The following ERI1 variants were observed in gnomAD, a reference collection of about 807,000 sequenced individuals.
The protein encoded by ERI1 is exoribonuclease 1.
Under a neutral mutation model 39.7 loss-of-function variants are expected in ERI1, and 39 were observed. That is an observed-to-expected ratio of 0.98 (90% CI 0.76 to 1.28). ERI1 has a LOEUF of 1.28. ERI1 is among the 50% of genes most tolerant of loss of function. The pLI is 0.00. For synonymous variants in ERI1, 204 were observed against 149.6 expected (o/e 1.36, Z -2.65); for missense variants, 581 against 416.9 (o/e 1.39, Z -3.43).
rs1279767013 is a variant in ERI1, at chr8:9,044,436, G to A, written n.299+23972G>A. ...ACCAGGTCAGCAGACACATCACTGCGTCAGTTCAGTAGGAGAGTTCACACT... is the reference window on the plus strand; with the variant it reads ...ACCAGGTCAGCAGACACATCACTGCATCAGTTCAGTAGGAGAGTTCACACT... On this transcript the variant is annotated intron_variant and non_coding_transcript_variant, in intron 3 of 3. Coordinates refer to the ERI1 transcript ENST00000518663. 5.3e-5 allele frequency among the ~76,000 whole-genome samples: 8 copies of A among 152,260 alleles called. 1 individual carries two copies. The highest frequency in any genetic ancestry group is 6.8e-3 in the Middle Eastern group (2 of 294).
chr8:9,090,267 G>T (rs950506347), intron 3 of ERI1, among the ~76,000 whole-genome samples: 1 of 152,084 alleles, frequency 6.6e-6, no homozygotes, highest in Non-Finnish European at 1.5e-5. Context: ...ACAGAGAAGG[G>T]GTGTGGTGAG....
chr8:9,035,891 A>C (rs928132490), downstream of ERI1, among the ~76,000 whole-genome samples: 1 of 152,214 alleles, frequency 6.6e-6, no homozygotes, highest in Admixed American at 6.5e-5. Flanking sequence ...AAAGATATCA[A>C]CCTTAACAGG....
intron 4 of ERI1, among the ~76,000 whole-genome samples, chr8:9,017,122 C>G (rs887785182): frequency 3.3e-5 from 5 of 152,148 alleles, no homozygotes; most frequent in African/African-American, 4.8e-5. Context: ...TCACTGCAAC[C>G]TCTGCCTCCC....
At chr8:9,063,668 A>G (rs1185718493) in intron 3 of ERI1, among the ~76,000 whole-genome samples, 2 of 152,172 alleles carry the variant, frequency 1.3e-5, no homozygotes, top group Non-Finnish European at 2.9e-5. Context: ...GGGAGGGTCC[A>G]ATGTGTAAAA....
chr8:9,010,758 T>C (rs894878783), intron 2 of ERI1, among the ~76,000 whole-genome samples: 16 of 152,182 alleles, frequency 1.1e-4, no homozygotes, highest in Non-Finnish European at 7.4e-5. Flanking sequence ...ATACATATTG[T>C]TTAAAGAATG....
At chr8:9,047,426 A>G (rs1303034963) in intron 3 of ERI1, among the ~76,000 whole-genome samples, 1 of 152,194 alleles carries the variant, frequency 6.6e-6, no homozygotes, top group African/African-American at 2.4e-5. Flanking sequence ...GCTTGCCACT[A>G]GGAGATGGGA....
Position 9,020,360 on chromosome 8 carries a change from A to AT in ERI1, c.704dup (p.Met235IlefsTer3). 6.3e-7 allele frequency: 1 copy of AT among 1,575,672 alleles called. No homozygotes were observed. Among genetic ancestry groups the AT allele is most frequent in the Non-Finnish European group, 8.6e-7 (1 of 1,164,738 alleles). On this transcript the variant is annotated frameshift_variant, in exon 6 of 7. Coordinates refer to ENST00000250263, the MANE Select transcript of ERI1 (RefSeq NM_153332.4). LOFTEE classifies it high-confidence loss of function. Reference sequence around the variant, plus strand: ...TTTTTTAATTTATAGTTCTTGGGATATGAGTAAGTTCTTGAACATTCAGTG... The same window carrying AT: ...TTTTTTAATTTATAGTTCTTGGGATATTGAGTAAGTTCTTGAACATTCAGTG...
intron 5 of ERI1, among the ~76,000 whole-genome samples, chr8:9,018,682 C>G (rs1360051356): frequency 6.6e-6 from 1 of 152,158 alleles, no homozygotes; most frequent in Non-Finnish European, 1.5e-5. Context: ...CTTCCTTACT[C>G]AAAAAAGTTC....
chr8:9,016,457 G>A, intron 4 of ERI1, 52 bp downstream of exon 4: 2 of 1,165,822 alleles, frequency 1.7e-6, no homozygotes, highest in Non-Finnish European at 2.4e-6. Flanking sequence ...CTTGAAATTA[G>A]GGATTTATTT....
intron 1 of ERI1, 77 bp from the exon 2 acceptor site, chr8:9,007,893 A>G: frequency 5.3e-6 from 8 of 1,500,984 alleles, no homozygotes; most frequent in Non-Finnish European, 7.1e-6. Context: ...GAAAGTTTGA[A>G]TCTTTAAATC....
At chr8:9,087,781 T>C (rs1799577553) in intron 3 of ERI1, among the ~76,000 whole-genome samples, 1 of 152,090 alleles carries the variant, frequency 6.6e-6, no homozygotes, top group Non-Finnish European at 1.5e-5. Context: ...GGGTTTGAGG[T>C]TCCCTACTTT....
intron 3 of ERI1, among the ~76,000 whole-genome samples, chr8:9,071,988 C>T (rs1213618156): frequency 6.6e-6 from 1 of 152,124 alleles, no homozygotes; most frequent in Non-Finnish European, 1.5e-5. Context: ...ATCATTTGAA[C>T]CTGGGAGGTC....
chr8:9,091,571 T>G (rs181407628), intron 3 of ERI1: 1 of 152,196 alleles, frequency 6.6e-6, no homozygotes, highest in African/African-American at 2.4e-5. Flanking sequence ...AATGTTTTGC[T>G]TATTTTGCAT....
chr8:9,085,012 A>G (rs753916463), intron 3 of ERI1, among the ~76,000 whole-genome samples: 7 of 152,154 alleles, frequency 4.6e-5, no homozygotes, highest in South Asian at 2.1e-4. Context: ...AACAGCATCA[A>G]CATCACCTAG....
At chr8:9,064,564 G>A (rs547011467) in intron 3 of ERI1, among the ~76,000 whole-genome samples, 23 of 152,294 alleles carry the variant, frequency 1.5e-4, no homozygotes, top group African/African-American at 5.3e-4. Context: ...AGAGATTGAA[G>A]GGTGGTGCAA....
intron 6 of ERI1, among the ~76,000 whole-genome samples, chr8:9,025,799 T>G (rs961478808): frequency 1.3e-5 from 2 of 151,746 alleles, no homozygotes; most frequent in South Asian, 4.1e-4. Flanking sequence ...TGTTTGAGAT[T>G]TGGGGTTTTT....
Position 9,016,221 on chromosome 8 carries a change from T to G in ERI1, c.499-101T>G, listed in dbSNP as rs117704876. On this transcript the variant is annotated intron_variant, in intron 3 of 6. Coordinates refer to ENST00000250263, the MANE Select transcript of ERI1 (RefSeq NM_153332.4). ...AACTGGAAGGGTTTATGCCGTGAGA[T>G]CCTATGAAATTGCAACCTGCTGTGA... is the stretch of plus-strand genomic sequence containing the variant. 2,223 of 550,242 alleles carry G rather than the reference T, an allele frequency of 4.0e-3. 47 individuals carry two copies. The East Asian group carries it at 0.044, about 11-fold the overall frequency. 34.1% of individuals were successfully genotyped at this position (550,242 alleles called of 1,614,324 possible).
At chr8:9,003,838 A>T (rs1396452398) in intron 1 of ERI1, among the ~76,000 whole-genome samples, 1 of 152,238 alleles carries the variant, frequency 6.6e-6, no homozygotes, top group Admixed American at 6.5e-5. Flanking sequence ...TTTCCTAATA[A>T]TAAACATGTT....
chr8:9,023,522 T>C (rs961946048), intron 6 of ERI1, among the ~76,000 whole-genome samples: 2 of 152,094 alleles, frequency 1.3e-5, no homozygotes, highest in African/African-American at 4.8e-5. Context: ...CTCCCTCCTT[T>C]TTTGAGTAAA....
Sources: gnomAD v4.1 joint callset for allele counts (sites outside exome capture counted in the v4.1 genomes callset) on GRCh38, gnomAD v4.1.1 for gene constraint, MANE v1.5 for transcripts, NCBI Gene and HGNC (gene_info 2026-07-23, HGNC 2026-07-21) for gene names.